Variants in STK33 observed in about 807,000 individuals in gnomAD.
STK33 encodes serine/threonine kinase 33, also known as serine/threonine-protein kinase 33.
STK33 carries 52 observed loss-of-function variants against 58.0 expected under a neutral mutation model. The ratio of observed to expected loss-of-function variants is 0.90; its 90% CI spans 0.72 to 1.13. The LOEUF is 1.13. STK33 is among the 50% of genes most tolerant of loss of function. The pLI, the probability that STK33 is intolerant of heterozygous loss-of-function variation, is 0.00. For missense variants in STK33, 630 were observed against 604.2 expected, an observed-to-expected ratio of 1.04 and a Z score of -0.45; for synonymous variants, 215 against 200.1, an observed-to-expected ratio of 1.07 and a Z score of -0.63.
the STK33 span, among the ~76,000 whole-genome samples, chr11:8,353,863 T>G: frequency 3.9e-5 from 6 of 152,186 alleles, no homozygotes; most frequent in Non-Finnish European, 8.8e-5. Context: ...TCCAGGCCAT[T>G]TGGAACCAAA....
chr11:8,437,531 T>G (rs770290028), intron 12 of STK33, among the ~76,000 whole-genome samples: 4 of 152,240 alleles, frequency 2.6e-5, no homozygotes, highest in African/African-American at 9.6e-5. Flanking sequence ...TTATACTTCA[T>G]TGATGAAAGA....
At chr11:8,448,828 C>T (rs1378317670) in intron 11 of STK33, among the ~76,000 whole-genome samples, 1 of 152,130 alleles carries the variant, frequency 6.6e-6, no homozygotes, top group African/African-American at 2.4e-5. Context: ...AAAGAAACTA[C>T]CATCAGAGTG....
At chr11:8,337,746 C>T in the STK33 span, among the ~76,000 whole-genome samples, 1 of 152,112 alleles carries the variant, frequency 6.6e-6, no homozygotes, top group Non-Finnish European at 1.5e-5. Flanking sequence ...TTGTTCACCC[C>T]ACTCCAGCCC....
intron 9 of STK33, 147 bp downstream of exon 9, chr11:8,457,191 AGTT>A: frequency 3.5e-6 from 2 of 576,086 alleles, no homozygotes; most frequent in African/African-American, 2.7e-5. Context: ...CTAAAAAGAA[AGTT>A]AAAAAGGAAA....
chr11:8,557,977 T>C (rs1362651353), intron 1 of STK33, among the ~76,000 whole-genome samples: 3 of 152,176 alleles, frequency 2.0e-5, no homozygotes, highest in Non-Finnish European at 4.4e-5. Context: ...ATGAGGCATT[T>C]GGGACCTTAT....
At chr11:8,455,787 G>C (rs1384084654) in intron 9 of STK33, among the ~76,000 whole-genome samples, 9 of 137,814 alleles carry the variant, frequency 6.5e-5, no homozygotes, top group African/African-American at 2.4e-4. Context: ...CTCCAGCCTG[G>C]GTAACAGAGA....
At chr11:8,335,472 G>T in the STK33 span, among the ~76,000 whole-genome samples, 2 of 152,158 alleles carry the variant, frequency 1.3e-5, no homozygotes, top group African/African-American at 4.8e-5. Context: ...GTCCTGCTTT[G>T]GGCATTAACC....
chr11:8,507,929 C>T (rs1328914653), intron 1 of STK33, among the ~76,000 whole-genome samples: 2 of 152,234 alleles, frequency 1.3e-5, no homozygotes, highest in East Asian at 1.9e-4. Flanking sequence ...CTCACTCTGT[C>T]GCCCATGTTG....
chr11:8,566,466 T>A (rs1389741211), intron 1 of STK33, among the ~76,000 whole-genome samples: 2 of 152,340 alleles, frequency 1.3e-5, no homozygotes, highest in East Asian at 3.9e-4. Flanking sequence ...TCTGAAGTAC[T>A]AGTAACACAA....
chr11:8,351,815 T>C, the STK33 span, among the ~76,000 whole-genome samples: 1 of 152,152 alleles, frequency 6.6e-6, no homozygotes, highest in Non-Finnish European at 1.5e-5. Context: ...GAGACCTGGA[T>C]ACCACCACGA....
At chr11:8,583,914 G>A (rs915584280) in intron 1 of STK33, among the ~76,000 whole-genome samples, 1 of 152,016 alleles carries the variant, frequency 6.6e-6, no homozygotes, top group Non-Finnish European at 1.5e-5. Context: ...TGGGACTAAG[G>A]AATGGCTTAT....
chr11:8,591,691 T>C (rs372318022), intron 1 of STK33, among the ~76,000 whole-genome samples: 8 of 152,088 alleles, frequency 5.3e-5, no homozygotes, highest in African/African-American at 1.7e-4. Flanking sequence ...TGTAGGGACA[T>C]GGATGAAACT....
Position 8,392,430 on chromosome 11 carries a change from T to C in STK33, c.*80A>G. On this transcript the variant is annotated 3_prime_UTR_variant, in exon 16 of 16. Transcript: ENST00000687296. Reference sequence around the variant, plus strand: ...AGGCTACAAGCTCAGCATAGGGCTGTCTTCTTCCCCTCCTACCCCCTCATC... The same window carrying C: ...AGGCTACAAGCTCAGCATAGGGCTGCCTTCTTCCCCTCCTACCCCCTCATC... The C allele has an allele frequency of 1.3e-6, 2 of 1,536,374 alleles. No homozygotes were observed. The highest frequency in any genetic ancestry group is 2.3e-5 in the South Asian group (2 of 87,240).
intron 7 of STK33, 72 bp from the exon 8 acceptor site, chr11:8,461,981 TTA>T (rs1947583498): frequency 4.1e-6 from 5 of 1,224,262 alleles, no homozygotes; most frequent in Admixed American, 2.9e-5. Flanking sequence ...AAAAGTTATT[TTA>T]TGTTTTCCTA....
At chr11:8,338,137 A>T in the STK33 span, among the ~76,000 whole-genome samples, 1 of 152,228 alleles carries the variant, frequency 6.6e-6, no homozygotes, top group East Asian at 1.9e-4. Context: ...CTCAGTATAC[A>T]GGGGTGATTA....
intron 1 of STK33, among the ~76,000 whole-genome samples, chr11:8,489,498 T>C (rs1950443202): frequency 1.3e-5 from 2 of 152,112 alleles, no homozygotes; most frequent in Non-Finnish European, 2.9e-5. Context: ...ACCTGGTGAA[T>C]ATCATCTCAT....
At chr11:8,358,986 GC>G in the STK33 span, among the ~76,000 whole-genome samples, 1 of 152,190 alleles carries the variant, frequency 6.6e-6, no homozygotes, top group African/African-American at 2.4e-5. Context: ...GCGGGGATGA[GC>G]CCACAGTAAC....
chr11:8,455,621 A>G (rs1946753298), intron 9 of STK33, among the ~76,000 whole-genome samples: 1 of 151,182 alleles, frequency 6.6e-6, no homozygotes, highest in Non-Finnish European at 1.5e-5. Flanking sequence ...ATCCTGGCTA[A>G]CACGTTGAAA....
intron 1 of STK33, among the ~76,000 whole-genome samples, chr11:8,489,310 A>G (rs950130801): frequency 6.6e-6 from 1 of 151,750 alleles, no homozygotes; most frequent in African/African-American, 2.4e-5. Flanking sequence ...ACTAAAAGAA[A>G]GTATAAAGGT....
Sources: gnomAD v4.1 joint callset for allele counts (sites outside exome capture counted in the v4.1 genomes callset) on GRCh38, gnomAD v4.1.1 for gene constraint, MANE v1.5 for transcripts, NCBI Gene and HGNC (gene_info 2026-07-23, HGNC 2026-07-21) for gene names.